Variants in REPS2 observed in about 807,000 individuals in gnomAD.
REPS2 encodes ralBP1-associated Eps domain-containing protein 2.
A neutral mutation model predicts 53.6 loss-of-function variants in REPS2; 23 were observed. The observed-to-expected ratio is 0.43, with a 90% confidence interval of 0.31 to 0.61. REPS2 has a LOEUF of 0.61. Ranked by LOEUF, REPS2 falls within the 20% of genes least tolerant of loss-of-function variation. The pLI is 0.11. For missense variants in REPS2, 446 were observed against 534.9 expected (o/e 0.83, Z 1.64); for synonymous variants, 238 against 218.6 (o/e 1.09, Z -0.78).
At chrX:17,087,030 G>A (rs2062546830) in intron 13 of REPS2, among the ~76,000 whole-genome samples, 1 of 112,024 alleles carries the variant, frequency 8.9e-6, no homozygotes, top group African/African-American at 3.2e-5. Context: ...AATGATCAGT[G>A]GATTTGTGGG....
At chrX:16,954,731 G>C (rs755544575) in intron 1 of REPS2, among the ~76,000 whole-genome samples, 1 of 110,972 alleles carries the variant, frequency 9.0e-6, no homozygotes, top group African/African-American at 3.3e-5. Context: ...TCCTAAGTAG[G>C]GGCTGTCCTA....
At chrX:17,103,612 G>T in intron 13 of REPS2, 106 bp from the exon 14 acceptor site, 2 of 705,328 alleles carry the variant, frequency 2.8e-6, no homozygotes, top group African/African-American at 2.1e-5. Context: ...AAAACTTAAA[G>T]ATGTTAAATG....
chrX:16,966,536 A>AT (rs1416576429), intron 1 of REPS2, among the ~76,000 whole-genome samples: 1 of 112,482 alleles, frequency 8.9e-6, no homozygotes, highest in Non-Finnish European at 1.9e-5. Flanking sequence ...TTTATACAAT[A>AT]TTTTAAATAA....
At chrX:17,139,009 T>G in intron 17 of REPS2, 48 bp downstream of exon 17, 1 of 862,085 alleles carries the variant, frequency 1.2e-6, no homozygotes, top group East Asian at 3.3e-5. Context: ...TCCCTGGCTT[T>G]TAAAAAGCTT....
the REPS2 span, among the ~76,000 whole-genome samples, chrX:17,186,247 G>A: frequency 8.9e-6 from 1 of 112,442 alleles, no homozygotes; most frequent in Non-Finnish European, 1.9e-5. Context: ...GCTAACAGTG[G>A]ACACTGTCTG....
At chrX:17,034,319 G>A (rs1018506248) in intron 5 of REPS2, among the ~76,000 whole-genome samples, 3 of 110,820 alleles carry the variant, frequency 2.7e-5, no homozygotes, top group Admixed American at 9.6e-5. Flanking sequence ...TTTTTTAGAC[G>A]GAGTTTTGCT....
At chrX:16,995,355 G>C (rs1169271654) in intron 1 of REPS2, among the ~76,000 whole-genome samples, 1 of 112,366 alleles carries the variant, frequency 8.9e-6, no homozygotes, top group Non-Finnish European at 1.9e-5. Flanking sequence ...ATTGCGCAGT[G>C]AATTTGGTTC....
chrX:17,024,325 G>A (rs929740372), intron 3 of REPS2, among the ~76,000 whole-genome samples: 31 of 101,666 alleles, frequency 3.0e-4, no homozygotes, highest in Middle Eastern at 5.1e-3. Flanking sequence ...TGTTTTCTTG[G>A]TACTTGAATA....
chrX:17,041,782 C>T (rs1030326321), intron 5 of REPS2, among the ~76,000 whole-genome samples: 1 of 112,149 alleles, frequency 8.9e-6, no homozygotes, highest in Non-Finnish European at 1.9e-5. Context: ...ATATTTTAAA[C>T]AGAAATGTTC....
intron 1 of REPS2, among the ~76,000 whole-genome samples, chrX:16,999,307 A>G (rs1186964998): frequency 9.2e-6 from 1 of 109,043 alleles, no homozygotes; most frequent in Non-Finnish European, 1.9e-5. Flanking sequence ...ATTCTTGTGG[A>G]TATTGCCAAA....
the REPS2 span, among the ~76,000 whole-genome samples, chrX:17,158,529 C>A: frequency 9.0e-6 from 1 of 111,661 alleles, no homozygotes; most frequent in South Asian, 3.7e-4. Context: ...AGGATAATAT[C>A]TTCATGTGTC....
At chrX:17,018,437 C>G (rs1484951111) in intron 2 of REPS2, among the ~76,000 whole-genome samples, 1 of 110,379 alleles carries the variant, frequency 9.1e-6, no homozygotes, top group Non-Finnish European at 1.9e-5. Flanking sequence ...GATCTGCCCA[C>G]CTCAGCCTCC....
At chrX:17,090,612 T>C (rs1341391341) in intron 13 of REPS2, among the ~76,000 whole-genome samples, 1 of 112,580 alleles carries the variant, frequency 8.9e-6, no homozygotes, top group Non-Finnish European at 1.9e-5. Flanking sequence ...GTATATTCTG[T>C]AATTCTTTAT....
chrX:17,138,216 G>A (rs1158580334), intron 16 of REPS2: 1 of 112,178 alleles, frequency 8.9e-6, no homozygotes, highest in African/African-American at 3.2e-5. Context: ...TAGGATGCGT[G>A]GTCACTCTGG....
chrX:17,006,959 A>G lies in REPS2; in HGVS notation c.397+615A>G, dbSNP rs1014115725. Among the ~76,000 whole-genome samples, 10 of 112,463 alleles carry G rather than the reference A, an allele frequency of 8.9e-5. No individual in the cohort carries two copies. The East Asian group carries it at 2.8e-3, about 31-fold the overall frequency. On this transcript the variant is annotated intron_variant, in intron 2 of 17. Coordinates refer to ENST00000357277, the MANE Select transcript of REPS2 (RefSeq NM_004726.3). ...AAAAGCAAAACCCCCAACTATTAGC[A>G]GTATTTCTGCTGCCTCAGGATTGGT... is the stretch of plus-strand genomic sequence containing the variant.
chrX:17,001,820 C>T (rs1428296875), intron 1 of REPS2, among the ~76,000 whole-genome samples: 1 of 111,492 alleles, frequency 9.0e-6, no homozygotes, highest in African/African-American at 3.3e-5. Context: ...ATGGTGGTGG[C>T]AGGAGAAAAA....
downstream of REPS2, among the ~76,000 whole-genome samples, chrX:17,156,161 C>T (rs971225523): frequency 1.8e-5 from 2 of 111,558 alleles, no homozygotes; most frequent in African/African-American, 6.5e-5. Context: ...TATTTCCAGA[C>T]TCTGAGTGGT....
chrX:17,072,943 G>T (rs945364816), intron 11 of REPS2, among the ~76,000 whole-genome samples: 19 of 112,429 alleles, frequency 1.7e-4, no homozygotes, highest in Admixed American at 6.6e-4. Context: ...CAGCGTTTCA[G>T]CTGTTTGAAG....
chrX:16,959,728 T>C (rs1445928202), intron 1 of REPS2, among the ~76,000 whole-genome samples: 2 of 111,856 alleles, frequency 1.8e-5, no homozygotes, highest in African/African-American at 6.5e-5. Context: ...CATGGCTGAA[T>C]TCTACCAAAC....
Sources: gnomAD v4.1 joint callset for allele counts (sites outside exome capture counted in the v4.1 genomes callset) on GRCh38, gnomAD v4.1.1 for gene constraint, MANE v1.5 for transcripts, NCBI Gene and HGNC (gene_info 2026-07-23, HGNC 2026-07-21) for gene names.